Variants in PCDH7 observed in about 807,000 individuals in gnomAD.
The protein encoded by PCDH7 is protocadherin 7, also known as protocadherin-7.
In PCDH7, 17 loss-of-function variants were observed where a neutral mutation model predicts 58.9. The ratio of observed to expected loss-of-function variants is 0.29; its 90% CI spans 0.20 to 0.43. The LOEUF (loss-of-function observed/expected upper bound fraction) is 0.43, where lower values mean the gene tolerates loss of function less well. Ranked by LOEUF, PCDH7 falls within the 20% of genes least tolerant of loss-of-function variation. PCDH7 has a pLI of 1.00. For synonymous variants in PCDH7, 664 were observed against 616.4 expected (o/e 1.08, Z -1.14); for missense variants, 1,274 against 1,441.0 (o/e 0.88, Z 1.88).
intron 3 of PCDH7, among the ~76,000 whole-genome samples, chr4:31,045,387 T>A (rs1237963505): frequency 6.6e-6 from 1 of 151,982 alleles, no homozygotes; most frequent in African/African-American, 2.4e-5. Context: ...TGTATGTGTG[T>A]CAAAGGGACA....
At chr4:30,778,733 T>G (rs548906426) in intron 1 of PCDH7, among the ~76,000 whole-genome samples, 1 of 152,302 alleles carries the variant, frequency 6.6e-6, no homozygotes, top group Admixed American at 6.5e-5. Flanking sequence ...TATTTATCTT[T>G]CCTGCATTTC....
chr4:30,723,198 G>T lies in PCDH7; in HGVS notation c.1776G>T (p.Leu592=), dbSNP rs1192760901. Residue 592 remains leucine (L), a synonymous_variant, in exon 1 of 2, where the codon CTG becomes CTT. Coordinates refer to ENST00000361762, the Ensembl canonical transcript of PCDH7. This position sits in a 1 kb window ranked among gnomAD's most constrained non-coding sequence, Gnocchi z 4.6. The stretch of plus-strand genomic sequence containing the variant: ...TCGATCCCGATTCTGGGGACATCCT[G>T]GTCAATACCGTGCTGGACCGCGAGC... 1.2e-6 allele frequency: 2 copies of T among 1,614,040 alleles called. No homozygotes were observed. The highest frequency in any genetic ancestry group is 1.7e-6 in the Non-Finnish European group (2 of 1,180,050).
chr4:31,027,453 T>C (rs779393632), intron 3 of PCDH7, among the ~76,000 whole-genome samples: 4 of 152,158 alleles, frequency 2.6e-5, no homozygotes, highest in African/African-American at 4.8e-5. Context: ...AGACGGAGTC[T>C]AGCTCTGTCA....
chr4:30,820,082 T>A (rs1728192590), intron 1 of PCDH7, among the ~76,000 whole-genome samples: 1 of 152,082 alleles, frequency 6.6e-6, no homozygotes, highest in Admixed American at 6.6e-5. Context: ...TCAATTAGCA[T>A]TTTTAGGTAA....
At chr4:30,929,745 A>C (rs1190503242) in intron 2 of PCDH7, among the ~76,000 whole-genome samples, 2 of 152,082 alleles carry the variant, frequency 1.3e-5, no homozygotes, top group Non-Finnish European at 2.9e-5. Context: ...TACATTAATG[A>C]AGTTGTTAGG....
chr4:30,835,880 G>A (rs909821595), intron 1 of PCDH7, among the ~76,000 whole-genome samples: 1 of 152,138 alleles, frequency 6.6e-6, no homozygotes, highest in South Asian at 2.1e-4. Context: ...CTTGCACTAA[G>A]TATTGTTCCA....
In PCDH7 at chr4:31,076,351, G is replaced by T. The variant is rs1025711203; in HGVS notation, c.*8-66122G>T. 4.6e-5 allele frequency among the ~76,000 whole-genome samples: 7 copies of T among 152,136 alleles called. No homozygotes were observed. The East Asian group carries it at 1.4e-3, about 29-fold the overall frequency. On this transcript the variant is annotated intron_variant, in intron 3 of 3. Transcript: ENST00000509759. ...TTCATGCTTTATTTAAATTCCTTTT[G>T]TGGCCTGTCAGTATAAAAAAAGAAA...
intron 1 of PCDH7, among the ~76,000 whole-genome samples, chr4:30,813,708 C>T (rs1353845875): frequency 6.6e-6 from 1 of 152,140 alleles, no homozygotes; most frequent in African/African-American, 2.4e-5. Context: ...GTGGCATGGT[C>T]TCTGCTCACT....
rs1553850697 is a variant in PCDH7, at chr4:31,097,638, A to AAAATC, written c.*8-44833_*8-44832insATCAA. On this transcript the variant is annotated intron_variant, in intron 3 of 3. Transcript: ENST00000509759. The stretch of plus-strand genomic sequence containing the variant: ...TATATATATATATATATATATATAT[A>AAAATC]AATCTTTTTTCTGTAATTTCTGTAA... 7.3e-3 allele frequency among the ~76,000 whole-genome samples: 581 copies of AAAATC among 79,212 alleles called. 118 individuals are homozygous for AAAATC. Among genetic ancestry groups the AAAATC allele is most frequent in the African/African-American group, 0.027 (468 of 17,336 alleles). The allele number at this position is 79,212 out of a possible 152,430, so 52.0% of individuals were successfully genotyped here.
At chr4:31,047,332 G>A (rs1381253019) in intron 3 of PCDH7, among the ~76,000 whole-genome samples, 1 of 152,020 alleles carries the variant, frequency 6.6e-6, no homozygotes, top group African/African-American at 2.4e-5. Flanking sequence ...CAATTTGTAA[G>A]CTCCTAAGTG....
intron 3 of PCDH7, among the ~76,000 whole-genome samples, chr4:30,978,596 T>C (rs1013005553): frequency 6.6e-5 from 10 of 152,206 alleles, no homozygotes; most frequent in African/African-American, 2.4e-4. Context: ...CTTTCTGAGC[T>C]CTGATTTTAT....
In PCDH7 at chr4:30,721,392, G is replaced by C. The variant is rs1344854659; in HGVS notation, c.-31G>C. The C allele has an allele frequency of 6.9e-7, 1 of 1,457,842 alleles. No individual in the cohort carries two copies. Among genetic ancestry groups the C allele is most frequent in the Non-Finnish European group, 9.0e-7 (1 of 1,106,904 alleles). The allele number at this position is 1,457,842 out of a possible 1,614,324, so 90.3% of individuals were successfully genotyped here. A position where few individuals can be genotyped will look rare whatever the true frequency, so the allele number is the denominator to read the frequency against. ...GGGGGCGCCGAGGGGGCTGTGGTTAGAAGGAGCAGTAGCAGCAGCAGCAGG... is the reference window on the plus strand; with the variant it reads ...GGGGGCGCCGAGGGGGCTGTGGTTACAAGGAGCAGTAGCAGCAGCAGCAGG... On this transcript the variant is annotated 5_prime_UTR_variant, in exon 1 of 2. Coordinates refer to ENST00000361762, the Ensembl canonical transcript of PCDH7. The surrounding 1 kb of genome is among the most constrained non-coding windows in gnomAD (Gnocchi z 6.7).
At chr4:30,967,262 G>A (rs1749079027) in intron 3 of PCDH7, among the ~76,000 whole-genome samples, 1 of 151,990 alleles carries the variant, frequency 6.6e-6, no homozygotes, top group African/African-American at 2.4e-5. Context: ...TTGGTTATTT[G>A]GTTTGTATGA....
intron 3 of PCDH7, among the ~76,000 whole-genome samples, chr4:31,123,082 T>A (rs1717882517): frequency 6.6e-6 from 1 of 152,102 alleles, no homozygotes; most frequent in African/African-American, 2.4e-5. Flanking sequence ...ACTTTTAAGA[T>A]AAGCAACACT....
intron 3 of PCDH7, among the ~76,000 whole-genome samples, chr4:31,074,163 A>T (rs754778110): frequency 4.6e-5 from 7 of 151,690 alleles, no homozygotes; most frequent in Non-Finnish European, 1.0e-4. Context: ...ACATTCAACC[A>T]TATCACTCCT....
chr4:30,735,064 C>T (rs1362351996), downstream of PCDH7, among the ~76,000 whole-genome samples: 6 of 152,006 alleles, frequency 3.9e-5, no homozygotes, highest in Non-Finnish European at 5.9e-5. Flanking sequence ...ACAAGCTAAA[C>T]TCAAGCAAAT....
At chr4:30,764,524 A>G (rs763268511) in intron 1 of PCDH7, among the ~76,000 whole-genome samples, 5 of 152,174 alleles carry the variant, frequency 3.3e-5, no homozygotes, top group Non-Finnish European at 5.9e-5. Flanking sequence ...GATTACCCAA[A>G]CATGTGAAAA....
At chr4:30,829,377 T>G (rs1328564572) in intron 1 of PCDH7, among the ~76,000 whole-genome samples, 1 of 152,098 alleles carries the variant, frequency 6.6e-6, no homozygotes, top group Non-Finnish European at 1.5e-5. Flanking sequence ...CAGGTAGAAT[T>G]CAGATTTACA....
intron 3 of PCDH7, among the ~76,000 whole-genome samples, chr4:31,110,639 G>C (rs1338416549): frequency 6.6e-6 from 1 of 152,118 alleles, no homozygotes; most frequent in Non-Finnish European, 1.5e-5. Flanking sequence ...TACCAGGCCG[G>C]GCGCGGTGGC....
Sources: gnomAD v4.1 joint callset for allele counts (sites outside exome capture counted in the v4.1 genomes callset) on GRCh38, gnomAD v4.1.1 for gene constraint, Gnocchi (gnomAD v3.1) non-coding constraint, MANE v1.5 for transcripts, NCBI Gene and HGNC (gene_info 2026-07-23, HGNC 2026-07-21) for gene names.